ITFG1: variants seen among roughly 807,000 people sequenced by gnomAD.
ITFG1 encodes T-cell immunomodulatory protein.
Under a neutral mutation model 81.8 loss-of-function variants are expected in ITFG1, and 34 were observed. The observed-to-expected ratio is 0.42, with a 90% CI of 0.32 to 0.55. The LOEUF is 0.55. ITFG1 is among the 20% of genes least tolerant of loss of function. The pLI is 0.17. For synonymous variants in ITFG1, 285 were observed against 270.6 expected, an observed-to-expected ratio of 1.05 and a Z score of -0.52; for missense variants, 672 against 755.4, an observed-to-expected ratio of 0.89 and a Z score of 1.29.
chr16:47,451,489 A>C lies in ITFG1; in HGVS notation c.486-19T>G, dbSNP rs1218636896. On this transcript the variant is annotated intron_variant, in intron 4 of 17. Transcript: ENST00000320640. ...ATTGAAACTGAAAAAAAATTAAAAC[A>C]ATAAGCAGCTATTTCTTTAAATTCT... 3.3e-5 allele frequency: 42 copies of C among 1,282,414 alleles called. No homozygotes were observed. Among genetic ancestry groups the C allele is most frequent in the Non-Finnish European group, 4.6e-5 (41 of 894,436 alleles). 79.4% of individuals were successfully genotyped at this position (1,282,414 alleles called of 1,614,324 possible). A position where few individuals can be genotyped will look rare whatever the true frequency, so the allele number is the denominator to read the frequency against.
intron 14 of ITFG1, among the ~76,000 whole-genome samples, chr16:47,167,394 A>T (rs1259828192): frequency 6.6e-6 from 1 of 152,150 alleles, no homozygotes; most frequent in African/African-American, 2.4e-5. Context: ...ACATTCCACC[A>T]CAAAAGAAGT....
At chr16:47,308,998 A>G (rs1967214184) in intron 10 of ITFG1, among the ~76,000 whole-genome samples, 1 of 152,160 alleles carries the variant, frequency 6.6e-6, no homozygotes, top group Non-Finnish European at 1.5e-5. Flanking sequence ...TCACTAGATT[A>G]AATTCTCAAA....
intron 14 of ITFG1, chr16:47,218,176 C>G (rs1182305341): frequency 6.6e-6 from 1 of 152,020 alleles, no homozygotes; most frequent in Non-Finnish European, 1.5e-5. Flanking sequence ...AGAGGAGTGA[C>G]AGCAACTCTG....
At chr16:47,317,394 A>G (rs1967377185) in intron 8 of ITFG1, among the ~76,000 whole-genome samples, 1 of 152,186 alleles carries the variant, frequency 6.6e-6, no homozygotes, top group East Asian at 1.9e-4. Flanking sequence ...ACACATAAAA[A>G]AGTTCACATA....
intron 6 of ITFG1, among the ~76,000 whole-genome samples, chr16:47,401,731 T>C (rs1968664073): frequency 6.6e-6 from 1 of 152,188 alleles, no homozygotes; most frequent in Admixed American, 6.5e-5. Context: ...GCACTCTTTA[T>C]GTGTTTGATT....
At chr16:47,201,207 A>ATTT (rs765492131) in intron 14 of ITFG1, among the ~76,000 whole-genome samples, 1 of 139,804 alleles carries the variant, frequency 7.2e-6, no homozygotes, top group Non-Finnish European at 1.6e-5. Flanking sequence ...ATTTAGGAGA[A>ATTT]TTTTTTTTTT....
At position 47,432,221 on chromosome 16, in the gene ITFG1, T is replaced by C. The variant is rs565963175; in HGVS notation, c.561-3323A>G. Among the ~76,000 whole-genome samples the C allele has an allele frequency of 2.6e-5, 4 of 152,338 alleles. 1 individual carries two copies. The highest frequency in any genetic ancestry group is 7.2e-5 in the African/African-American group (3 of 41,584). ...CAGTTAGAAGTCACTACCGTTTTCA[T>C]AGTAATATGTTCCAGTCCAATATGA... On this transcript the variant is annotated intron_variant, in intron 5 of 17. Coordinates refer to ENST00000320640, the MANE Select transcript of ITFG1 (RefSeq NM_030790.5).
intron 5 of ITFG1, among the ~76,000 whole-genome samples, chr16:47,437,666 T>C (rs1463034934): frequency 6.6e-6 from 1 of 152,210 alleles, no homozygotes; most frequent in East Asian, 1.9e-4. Flanking sequence ...CATTCAGCTA[T>C]CTTTCTACAT....
chr16:47,200,795 G>C (rs970267424), intron 14 of ITFG1, among the ~76,000 whole-genome samples: 1 of 152,120 alleles, frequency 6.6e-6, no homozygotes, highest in Non-Finnish European at 1.5e-5. Flanking sequence ...AAACTTTGGT[G>C]GTGGGGCCTG....
intron 10 of ITFG1, among the ~76,000 whole-genome samples, chr16:47,296,372 T>C (rs1014433579): frequency 3.3e-5 from 5 of 152,188 alleles, no homozygotes; most frequent in African/African-American, 1.2e-4. Flanking sequence ...ATTTCCTTTT[T>C]AATTTCATTG....
intron 10 of ITFG1, among the ~76,000 whole-genome samples, chr16:47,265,356 T>A (rs1387994946): frequency 1.3e-5 from 2 of 151,974 alleles, no homozygotes; most frequent in Non-Finnish European, 2.9e-5. Flanking sequence ...CAAGGAACAC[T>A]GAAAATGGCA....
chr16:47,427,570 G>A (rs956761285), intron 6 of ITFG1, among the ~76,000 whole-genome samples: 1 of 152,240 alleles, frequency 6.6e-6, no homozygotes, highest in Admixed American at 6.5e-5. Flanking sequence ...AGGTTGCAGT[G>A]GGCAGAGATC....
chr16:47,421,853 G>A (rs1567494514), intron 6 of ITFG1, among the ~76,000 whole-genome samples: 1 of 152,058 alleles, frequency 6.6e-6, no homozygotes, highest in Non-Finnish European at 1.5e-5. Flanking sequence ...AACAGGGTCT[G>A]GTGTGTGATG....
chr16:47,306,866 G>T (rs921823202), intron 10 of ITFG1, among the ~76,000 whole-genome samples: 5 of 151,592 alleles, frequency 3.3e-5, no homozygotes, highest in Non-Finnish European at 7.4e-5. Flanking sequence ...AGGCCTAGGC[G>T]GGTGGATCAC....
intron 10 of ITFG1, among the ~76,000 whole-genome samples, chr16:47,300,498 G>C (rs749166972): frequency 3.3e-5 from 5 of 152,178 alleles, no homozygotes; most frequent in African/African-American, 9.6e-5. Flanking sequence ...GAAAGACCTG[G>C]AGGAACTGGA....
At chr16:47,403,484 C>A (rs1968688693) in intron 6 of ITFG1, among the ~76,000 whole-genome samples, 1 of 151,978 alleles carries the variant, frequency 6.6e-6, no homozygotes. Flanking sequence ...CCACTAAATG[C>A]ACATGTATGT....
chr16:47,349,778 C>G (rs924450895), intron 8 of ITFG1, among the ~76,000 whole-genome samples: 1 of 152,228 alleles, frequency 6.6e-6, no homozygotes, highest in Admixed American at 6.5e-5. Context: ...CACCACACCA[C>G]ACCTATTCCA....
Position 47,417,604 on chromosome 16 carries a change from T to C in ITFG1, c.655+11200A>G, listed in dbSNP as rs1388836753. Among the ~76,000 whole-genome samples, 5 of 152,220 alleles carry C rather than the reference T, an allele frequency of 3.3e-5. No individual in the cohort carries two copies. The East Asian group carries it at 9.6e-4, about 29-fold the overall frequency. The stretch of plus-strand genomic sequence containing the variant: ...ACTATCTCTATGAGATAAACTCTTT[T>C]AGCTCCCATATATGAATGAGAACTT... On this transcript the variant is annotated intron_variant, in intron 6 of 17. Transcript: ENST00000320640.
Position 47,162,610 on chromosome 16 carries a change from A to T in ITFG1, c.1508T>A (p.Leu503His). 1 of 1,612,686 alleles carries T rather than the reference A, an allele frequency of 6.2e-7. No homozygotes were observed. Among genetic ancestry groups the T allele is most frequent in the Non-Finnish European group, 8.5e-7 (1 of 1,179,124 alleles). Residue 503 changes from leucine (L) to histidine (H), a missense_variant, in exon 15 of 18, where the codon CTT becomes CAT. By Grantham distance (99) the Leu-to-His change is moderately conservative. Around this residue, in one of 3 missense-constraint regions of ITFG1, gnomAD observed 560 missense variants for 625.7 expected, o/e 0.90. Transcript: ENST00000320640. ...HLALQLPYNV[L>H]GLGRSANFLD... is the part of the protein sequence containing the mutation. ...AAAATTTGCGCTCCGACCTAAACCA[A>T]GCACGTTGTATGGTAGTTGGAGAGC...
Sources: allele counts gnomAD v4.1 joint callset (sites outside exome capture counted in the v4.1 genomes callset), GRCh38; gene constraint gnomAD v4.1.1; regional missense constraint gnomAD v4.1.1; transcripts MANE v1.5; gene names NCBI Gene and HGNC (gene_info 2026-07-23, HGNC 2026-07-21).